Variants in MAML3 observed in about 807,000 individuals in gnomAD.
MAML3 encodes mastermind like transcriptional coactivator 3, also known as mastermind-like protein 3.
In MAML3, 27 loss-of-function variants were observed where a neutral mutation model predicts 101.9. The observed-to-expected ratio is 0.27, with a 90% CI of 0.20 to 0.37. The LOEUF (loss-of-function observed/expected upper bound fraction) is 0.37, where lower values mean the gene tolerates loss of function less well. Ranked by LOEUF, MAML3 falls within the 10% of genes least tolerant of loss-of-function variation. The probability of loss-of-function intolerance (pLI) is 1.00; values close to 1 mark genes in which losing one functional copy is unlikely to be tolerated. For missense variants in MAML3, 1,316 were observed against 1,444.9 expected, an observed-to-expected ratio of 0.91 and a Z score of 1.45; for synonymous variants, 501 against 555.9, an observed-to-expected ratio of 0.90 and a Z score of 1.39.
In MAML3 at chr4:139,925,694, C is replaced by T. The variant is rs187716692; in HGVS notation, c.469-34727G>A. ...TCTAATTTCAGGTAGTCACAATTGC[C>T]TTTCTTTGGAAAGGGTGCCTGTCTG... On this transcript the variant is annotated intron_variant, in intron 1 of 4. Coordinates refer to ENST00000509479, the MANE Select transcript of MAML3 (RefSeq NM_018717.5). Among the ~76,000 whole-genome samples, 368 of 152,322 alleles carry T rather than the reference C, an allele frequency of 2.4e-3. 1 individual carries two copies. Among genetic ancestry groups the T allele is most frequent in the African/African-American group, 8.4e-3 (350 of 41,560 alleles).
intron 2 of MAML3, among the ~76,000 whole-genome samples, chr4:139,753,711 A>T (rs1233470511): frequency 6.6e-6 from 1 of 152,194 alleles, no homozygotes; most frequent in African/African-American, 2.4e-5. Context: ...AGTCAAATAG[A>T]TGTTAAACTA....
At chr4:139,891,213 CA>C (rs1236628668) in intron 1 of MAML3, among the ~76,000 whole-genome samples, 1 of 152,086 alleles carries the variant, frequency 6.6e-6, no homozygotes, top group East Asian at 1.9e-4. Flanking sequence ...GGGTGGGAAA[CA>C]AAAGAAAAGA....
intron 2 of MAML3, among the ~76,000 whole-genome samples, chr4:139,833,149 GCC>G (rs1731198594): frequency 6.6e-5 from 10 of 152,308 alleles, no homozygotes; most frequent in Admixed American, 6.5e-4. Flanking sequence ...GCAGAAGTGA[GCC>G]AACCAGGGAA....
intron 1 of MAML3, among the ~76,000 whole-genome samples, chr4:139,935,911 C>T (rs758873150): frequency 6.6e-5 from 10 of 152,140 alleles, no homozygotes; most frequent in Non-Finnish European, 5.9e-5. Flanking sequence ...TGTCTACTCT[C>T]TCAGCAATTT....
intron 1 of MAML3, among the ~76,000 whole-genome samples, chr4:139,960,516 T>A (rs1250042771): frequency 1.3e-5 from 2 of 152,178 alleles, no homozygotes; most frequent in Admixed American, 6.5e-5. Context: ...TGGAGACACG[T>A]TCCAATTTAG....
chr4:140,090,506 T>C (rs916817892), intron 1 of MAML3, among the ~76,000 whole-genome samples: 3 of 152,228 alleles, frequency 2.0e-5, no homozygotes, highest in Admixed American at 6.5e-5. Context: ...AGTAGCTCAT[T>C]TAGTTCTCAG....
At position 139,738,411 on chromosome 4, in the gene MAML3, C is replaced by T. The variant is rs907493386; in HGVS notation, c.2080-7744G>A. 2.6e-5 allele frequency among the ~76,000 whole-genome samples: 4 copies of T among 152,096 alleles called. No homozygotes were observed. In the East Asian group the frequency reaches 5.8e-4, roughly 22 times the overall value. ...TACAAAAATTAGCTGGGCTTGGTGGCGTGTGCCTGTAGTCCCAGTTACTCA... is the reference window on the plus strand; with the variant it reads ...TACAAAAATTAGCTGGGCTTGGTGGTGTGTGCCTGTAGTCCCAGTTACTCA... On this transcript the variant is annotated intron_variant, in intron 2 of 4. Coordinates refer to ENST00000509479, the MANE Select transcript of MAML3 (RefSeq NM_018717.5).
chr4:139,847,640 A>T (rs1307317346), intron 2 of MAML3, among the ~76,000 whole-genome samples: 1 of 152,234 alleles, frequency 6.6e-6, no homozygotes, highest in Non-Finnish European at 1.5e-5. Flanking sequence ...TAAGTACAGG[A>T]GGTAAAATCT....
chr4:139,801,503 GAA>G (rs934270722), intron 2 of MAML3, among the ~76,000 whole-genome samples: 6 of 152,190 alleles, frequency 3.9e-5, no homozygotes, highest in Admixed American at 2.0e-4. Context: ...CATGGGCTGA[GAA>G]ACAGTGGACT....
At chr4:139,738,309 T>C (rs550412418) in intron 2 of MAML3, among the ~76,000 whole-genome samples, 34 of 152,300 alleles carry the variant, frequency 2.2e-4, no homozygotes, top group African/African-American at 7.9e-4. Context: ...TTTGAGAGGC[T>C]AAGGCGGGTG....
chr4:139,801,615 T>C (rs1233627516), intron 2 of MAML3, among the ~76,000 whole-genome samples: 5 of 150,178 alleles, frequency 3.3e-5, no homozygotes, highest in Non-Finnish European at 7.4e-5. Flanking sequence ...AGACCTAATT[T>C]GAAAAGAGCA....
At chr4:139,880,924 G>A (rs1249000858) in intron 2 of MAML3, among the ~76,000 whole-genome samples, 1 of 152,162 alleles carries the variant, frequency 6.6e-6, no homozygotes, top group Non-Finnish European at 1.5e-5. Context: ...CAAAGAAGAT[G>A]GGAGATGGCA....
chr4:140,152,491 A>G (rs1252471406), intron 1 of MAML3, among the ~76,000 whole-genome samples: 2 of 152,090 alleles, frequency 1.3e-5, no homozygotes, highest in East Asian at 3.9e-4. Flanking sequence ...GGAGCGGCGA[A>G]GAGGAGGAGC....
At chr4:139,802,889 G>A (rs929532518) in intron 2 of MAML3, among the ~76,000 whole-genome samples, 2 of 152,220 alleles carry the variant, frequency 1.3e-5, no homozygotes, top group Admixed American at 1.3e-4. Context: ...TGAGCAGCAT[G>A]TTCCAAATGT....
At chr4:140,092,106 A>ATATATATACGTATATATATATACG (rs1560890872) in intron 1 of MAML3, among the ~76,000 whole-genome samples, 1 of 128,710 alleles carries the variant, frequency 7.8e-6, no homozygotes, top group African/African-American at 3.2e-5. Context: ...ATATATACGT[A>ATATATATACGTATATATATATACG]TATATATATA....
In MAML3 at chr4:139,920,838, G is replaced by A. The variant is rs1013447362; in HGVS notation, c.469-29871C>T. ...TGAGTGACCTGCAGGAGCCCAGCTG[G>A]GGCCAGGGCTGCACACAGGGGGATT... On this transcript the variant is annotated intron_variant, in intron 1 of 4. Coordinates refer to ENST00000509479, the MANE Select transcript of MAML3 (RefSeq NM_018717.5). Among the ~76,000 whole-genome samples the A allele has an allele frequency of 3.9e-5, 6 of 152,264 alleles. No individual in the cohort carries two copies. In the East Asian group the frequency reaches 1.2e-3, roughly 29 times the overall value.
chr4:139,993,367 A>G (rs1734717504), intron 1 of MAML3, among the ~76,000 whole-genome samples: 1 of 103,046 alleles, frequency 9.7e-6, no homozygotes, highest in African/African-American at 3.2e-5. Context: ...AAAAAAAAAA[A>G]TAGACATACA....
intron 1 of MAML3, among the ~76,000 whole-genome samples, chr4:140,116,759 C>A (rs1026421989): frequency 6.6e-6 from 1 of 152,188 alleles, no homozygotes; most frequent in Non-Finnish European, 1.5e-5. Context: ...ACACAGTCAA[C>A]CCAAATGAAT....
rs1394747633 is a variant in MAML3 at position 140,154,103 on chromosome 4, C to G, written c.-776G>C. 3 of 182,040 alleles carry G rather than the reference C, an allele frequency of 1.6e-5. No individual in the cohort carries two copies. Among genetic ancestry groups the G allele is most frequent in the Non-Finnish European group, 3.4e-5 (3 of 87,306 alleles). 11.3% of individuals were successfully genotyped at this position (182,040 alleles called of 1,614,324 possible). On this transcript the variant is annotated 5_prime_UTR_variant, in exon 1 of 5. Coordinates refer to ENST00000509479, the MANE Select transcript of MAML3 (RefSeq NM_018717.5). The stretch of plus-strand genomic sequence containing the variant: ...CTCCTGCCACCATCACAATGATCAA[C>G]TGCTCGCCGCCGCCGCCGCCGCCGC...
Sources: allele counts gnomAD v4.1 joint callset (sites outside exome capture counted in the v4.1 genomes callset), GRCh38; gene constraint gnomAD v4.1.1; transcripts MANE v1.5; gene names NCBI Gene and HGNC (gene_info 2026-07-23, HGNC 2026-07-21).